HDX: variants seen among roughly 807,000 people sequenced by gnomAD.
The protein encoded by HDX is chromosome X open reading frame 43.
HDX carries 19 observed loss-of-function variants against 45.2 expected under a neutral mutation model. The observed-to-expected ratio is 0.42, with a 90% CI of 0.29 to 0.62. The LOEUF (loss-of-function observed/expected upper bound fraction) is 0.62. Among genes scored for constraint, HDX ranks in the 20% least tolerant of loss-of-function variants. The pLI is 0.20. For synonymous variants in HDX, 188 were observed against 172.8 expected, an observed-to-expected ratio of 1.09 and a Z score of -0.69; for missense variants, 532 against 493.9, an observed-to-expected ratio of 1.08 and a Z score of -0.73.
intron 5 of HDX, among the ~76,000 whole-genome samples, chrX:84,435,486 G>A (rs778390852): frequency 6.3e-4 from 69 of 110,038 alleles, no homozygotes; most frequent in Non-Finnish European, 1.1e-3. Context: ...AGTAGGTTGC[G>A]AAAATTTTCT....
chrX:84,445,777 C>T (rs1242509112), intron 4 of HDX, among the ~76,000 whole-genome samples: 3 of 111,515 alleles, frequency 2.7e-5, no homozygotes, highest in Non-Finnish European at 3.8e-5. Flanking sequence ...AGTTTCAATG[C>T]TACAACTTTT....
intron 1 of HDX, among the ~76,000 whole-genome samples, chrX:84,491,736 A>T (rs1036863239): frequency 3.6e-5 from 4 of 111,618 alleles, no homozygotes; most frequent in African/African-American, 1.3e-4. Context: ...CAAATCTAGA[A>T]TTGCCTTTAT....
intron 7 of HDX, among the ~76,000 whole-genome samples, chrX:84,339,695 TA>T (rs1298938916): frequency 9.0e-6 from 1 of 111,107 alleles, no homozygotes; most frequent in Non-Finnish European, 1.9e-5. Flanking sequence ...AATTACCCAG[TA>T]AAAACTCTAG....
rs182530948 is a variant in HDX, at chrX:84,467,542, G to A, written c.1251+930C>T. Among the ~76,000 whole-genome samples, 10 of 108,339 alleles carry A rather than the reference G, an allele frequency of 9.2e-5. 1 individual carries two copies. The highest frequency in any genetic ancestry group is 8.9e-4 in the Admixed American group (9 of 10,110). 94.1% of individuals were successfully genotyped at this position (108,339 alleles called of 115,157 possible). The stretch of plus-strand genomic sequence containing the variant: ...CTCGGGAGGCTGAGGCGGGAGAATC[G>A]CTTGAACCAGGGAGCGGAGGTTGCA... On this transcript the variant is annotated intron_variant, in intron 4 of 10. Coordinates refer to ENST00000373177, the MANE Select transcript of HDX (RefSeq NM_001177479.2).
intron 6 of HDX, among the ~76,000 whole-genome samples, chrX:84,361,021 T>C (rs746822600): frequency 7.6e-4 from 85 of 111,884 alleles, no homozygotes; most frequent in Middle Eastern, 9.2e-3. Context: ...ATATTTTACA[T>C]TCTTACCAGC....
intron 5 of HDX, among the ~76,000 whole-genome samples, chrX:84,396,782 G>A (rs1372252820): frequency 9.0e-6 from 1 of 111,016 alleles, no homozygotes; most frequent in Non-Finnish European, 1.9e-5. Flanking sequence ...TCCCTGGGAG[G>A]AGTGCTCAAG....
chrX:84,489,917 G>T (rs2040861079), intron 1 of HDX, among the ~76,000 whole-genome samples: 1 of 111,792 alleles, frequency 8.9e-6, no homozygotes, highest in Non-Finnish European at 1.9e-5. Flanking sequence ...AGCAATTTGG[G>T]TCTGAAGATT....
chrX:84,468,814 A>G lies in HDX; in HGVS notation c.909T>C (p.Ala303=). 7 of 1,211,264 alleles carry G rather than the reference A, an allele frequency of 5.8e-6. No homozygotes were observed. The highest frequency in any genetic ancestry group is 7.8e-6 in the Non-Finnish European group (7 of 895,118). The change falls in exon 4 of 11, where the codon GCT becomes GCC. Residue 303 remains alanine (A), a synonymous_variant. Coordinates refer to ENST00000373177, the MANE Select transcript of HDX (RefSeq NM_001177479.2). ...CLSIAMETGD[A]EDEYAREEEL... is the part of the protein sequence containing the mutation. Reference sequence around the variant, plus strand: ...CTTCCTCTCTGGCATATTCATCCTCAGCATCTCCAGTCTCCATTGCAATGG... The same window carrying G: ...CTTCCTCTCTGGCATATTCATCCTCGGCATCTCCAGTCTCCATTGCAATGG...
At chrX:84,334,234 C>T (rs1602261730) in intron 8 of HDX, among the ~76,000 whole-genome samples, 1 of 111,040 alleles carries the variant, frequency 9.0e-6, no homozygotes, top group Middle Eastern at 4.7e-3. Flanking sequence ...CCACATGCCT[C>T]TTTGTGACTT....
Position 84,426,424 on chromosome X carries a change from GAATA to G in HDX, c.1305+14104_1305+14107del, listed in dbSNP as rs748870205. Among the ~76,000 whole-genome samples, 515 of 111,081 alleles carry G rather than the reference GAATA, an allele frequency of 4.6e-3. 6 individuals carry two copies. Among genetic ancestry groups the G allele is most frequent in the African/African-American group, 0.016 (503 of 30,726 alleles). On this transcript the variant is annotated intron_variant, in intron 5 of 10. Transcript: ENST00000373177. ...CATAATTGCCTGTCAACTGATGAATGAATAAAGAAATTAAGGTATATATAATGAA... is the reference window on the plus strand; with the variant it reads ...CATAATTGCCTGTCAACTGATGAATGAAGAAATTAAGGTATATATAATGAA...
intron 5 of HDX, among the ~76,000 whole-genome samples, chrX:84,385,076 G>A (rs2063035036): frequency 9.2e-6 from 1 of 108,723 alleles, no homozygotes; most frequent in African/African-American, 3.4e-5. Flanking sequence ...GATGTTCAGA[G>A]TTTCACAGGA....
At chrX:84,381,657 G>T (rs1206954577) in intron 5 of HDX, among the ~76,000 whole-genome samples, 1 of 111,561 alleles carries the variant, frequency 9.0e-6, no homozygotes, top group Non-Finnish European at 1.9e-5. Flanking sequence ...ATATGCAGAA[G>T]AATAAAACTA....
At chrX:84,380,346 G>C (rs182173864) in intron 5 of HDX, among the ~76,000 whole-genome samples, 1 of 108,892 alleles carries the variant, frequency 9.2e-6, no homozygotes, top group Non-Finnish European at 1.9e-5. Context: ...TAGAGGAAGA[G>C]AAAATACTTC....
chrX:84,420,853 T>C (rs1480559227), intron 5 of HDX, among the ~76,000 whole-genome samples: 1 of 111,367 alleles, frequency 9.0e-6, no homozygotes, highest in Non-Finnish European at 1.9e-5. Context: ...CCTACAGCGC[T>C]GAAGGAAAAA....
At chrX:84,488,610 G>A (rs776585762) in intron 1 of HDX, among the ~76,000 whole-genome samples, 2 of 110,669 alleles carry the variant, frequency 1.8e-5, no homozygotes, top group East Asian at 2.8e-4. Context: ...TTCCCCAGTT[G>A]CCACTATACT....
chrX:84,373,560 C>T (rs1017364743), intron 5 of HDX, among the ~76,000 whole-genome samples: 2 of 110,410 alleles, frequency 1.8e-5, no homozygotes, highest in Admixed American at 1.9e-4. Flanking sequence ...GCTTATCCAC[C>T]ATGATCAAGA....
intron 6 of HDX, among the ~76,000 whole-genome samples, chrX:84,357,666 T>C (rs2147839199): frequency 9.0e-6 from 1 of 111,694 alleles, no homozygotes; most frequent in African/African-American, 3.2e-5. Context: ...ATGCCCAACA[T>C]TGAACAAATC....
intron 4 of HDX, among the ~76,000 whole-genome samples, chrX:84,461,329 G>C (rs1211878421): frequency 9.0e-6 from 1 of 110,898 alleles, no homozygotes; most frequent in Non-Finnish European, 1.9e-5. Context: ...CATACACATA[G>C]ACAAATGAAA....
At chrX:84,444,607 C>A (rs528468606) in intron 4 of HDX, among the ~76,000 whole-genome samples, 1 of 110,830 alleles carries the variant, frequency 9.0e-6, no homozygotes, top group Admixed American at 9.6e-5. Flanking sequence ...CTGGAGCTAA[C>A]GGAGAATTGC....
Sources: gnomAD v4.1 joint callset for allele counts (sites outside exome capture counted in the v4.1 genomes callset) on GRCh38, gnomAD v4.1.1 for gene constraint, MANE v1.5 for transcripts, NCBI Gene and HGNC (gene_info 2026-07-23, HGNC 2026-07-21) for gene names.